ITGAV: variants seen among roughly 807,000 people sequenced by gnomAD.
The protein encoded by ITGAV is integrin alpha-V.
Under a neutral mutation model 143.8 loss-of-function variants are expected in ITGAV, and 76 were observed. The ratio of observed to expected loss-of-function variants is 0.53; its 90% confidence interval spans 0.44 to 0.64. The LOEUF (loss-of-function observed/expected upper bound fraction) is 0.64, where lower values mean the gene tolerates loss of function less well. Ranked by LOEUF, ITGAV falls within the 30% of genes least tolerant of loss-of-function variation. The pLI is 0.00. For synonymous variants in ITGAV, 453 were observed against 446.7 expected (o/e 1.01, Z -0.18); for missense variants, 1,193 against 1,274.7 (o/e 0.94, Z 0.98).
chr2:186,655,185 T>C (rs955435783), intron 16 of ITGAV, among the ~76,000 whole-genome samples: 2 of 152,184 alleles, frequency 1.3e-5, no homozygotes, highest in African/African-American at 4.8e-5. Context: ...CCTAAAATGG[T>C]TGATGTGGTC....
intron 18 of ITGAV, among the ~76,000 whole-genome samples, chr2:186,661,709 GC>G (rs1688751137): frequency 6.6e-6 from 1 of 151,064 alleles, no homozygotes; most frequent in African/African-American, 2.4e-5. Context: ...CGATTACCCT[GC>G]CTCAGCCTCC....
intron 12 of ITGAV, among the ~76,000 whole-genome samples, chr2:186,642,535 CT>C (rs35034170): frequency 0.54 from 61,421 of 112,874 alleles, 14,731 homozygotes; most frequent in East Asian, 0.74. Flanking sequence ...TCTTTTTTTT[CT>C]TTTTTTTTTT....
At chr2:186,611,029 A>G (rs1687200903) in intron 2 of ITGAV, among the ~76,000 whole-genome samples, 1 of 152,170 alleles carries the variant, frequency 6.6e-6, no homozygotes, top group Admixed American at 6.5e-5. Flanking sequence ...GGCCAAATCA[A>G]GGTGAGAAAC....
intron 4 of ITGAV, among the ~76,000 whole-genome samples, chr2:186,626,739 G>C (rs1414871882): frequency 6.6e-6 from 1 of 152,156 alleles, no homozygotes; most frequent in African/African-American, 2.4e-5. Context: ...ACTCAGATCT[G>C]TATTGTGTGT....
intron 2 of ITGAV, among the ~76,000 whole-genome samples, chr2:186,622,128 A>G (rs1687543630): frequency 6.6e-6 from 1 of 152,202 alleles, no homozygotes; most frequent in Admixed American, 6.5e-5. Flanking sequence ...GCTAATAATA[A>G]CACTGAGACA....
chr2:186,621,786 C>T (rs1425522170), intron 2 of ITGAV, among the ~76,000 whole-genome samples: 3 of 152,138 alleles, frequency 2.0e-5, no homozygotes, highest in Non-Finnish European at 4.4e-5. Flanking sequence ...AAATAATTTT[C>T]TCAATAGTGA....
At position 186,656,397 on chromosome 2, in the gene ITGAV, T is replaced by C; in HGVS notation, c.1715T>C (p.Leu572Pro). 1 of 1,483,722 alleles carries C rather than the reference T, an allele frequency of 6.7e-7. No homozygotes were observed. The highest frequency in any genetic ancestry group is 8.9e-7 in the Non-Finnish European group (1 of 1,122,206). 91.9% of individuals were successfully genotyped at this position (1,483,722 alleles called of 1,614,324 possible). ...LMQCEELIAY[L>P]RDESEFRDKL... Reference sequence around the variant, plus strand: ...CAGTGTGAGGAATTGATAGCGTATCTGCGGGTAAGAGCTAACTTTTCTGCT... The same window carrying C: ...CAGTGTGAGGAATTGATAGCGTATCCGCGGGTAAGAGCTAACTTTTCTGCT... The change falls in exon 17 of 30, where the codon CTG (leucine) becomes CCG (proline). Residue 572 changes from leucine to proline, a missense_variant. By Grantham distance (98) the Leu-to-Pro change is moderately conservative (BLOSUM62 -3). Coordinates refer to ENST00000261023, the MANE Select transcript of ITGAV (RefSeq NM_002210.5).
At chr2:186,657,665 A>G (rs1389888028) in intron 17 of ITGAV, among the ~76,000 whole-genome samples, 1 of 152,176 alleles carries the variant, frequency 6.6e-6, no homozygotes, top group African/African-American at 2.4e-5. Flanking sequence ...AAACACCACA[A>G]AATTAAGAAT....
chr2:186,643,923 A>G (rs1688178211), intron 12 of ITGAV, among the ~76,000 whole-genome samples: 3 of 152,152 alleles, frequency 2.0e-5, no homozygotes, highest in Admixed American at 2.0e-4. Flanking sequence ...CTTTTGTTGC[A>G]AAATTATGTT....
intron 12 of ITGAV, among the ~76,000 whole-genome samples, chr2:186,643,217 A>G (rs1016980534): frequency 2.6e-5 from 4 of 152,188 alleles, no homozygotes; most frequent in Admixed American, 1.3e-4. Flanking sequence ...CATCTCTTCC[A>G]GCTTTCTAAG....
chr2:186,603,214 T>G (rs767507795), intron 2 of ITGAV, among the ~76,000 whole-genome samples: 4 of 152,220 alleles, frequency 2.6e-5, no homozygotes, highest in South Asian at 4.1e-4. Flanking sequence ...ACAAAATTTT[T>G]TATTGATTCT....
intron 1 of ITGAV, chr2:186,600,209 G>A (rs1463529922): frequency 2.4e-6 from 2 of 843,152 alleles, no homozygotes; most frequent in Non-Finnish European, 3.7e-6. Context: ...ACCTTTCTTT[G>A]TAGCTCCTGG....
chr2:186,648,189 TC>T (rs780133127), intron 13 of ITGAV, among the ~76,000 whole-genome samples: 3 of 152,196 alleles, frequency 2.0e-5, no homozygotes, highest in Non-Finnish European at 4.4e-5. Flanking sequence ...TCTTTATAAT[TC>T]TTTTGCATAT....
chr2:186,601,684 C>T (rs973464957), intron 1 of ITGAV, among the ~76,000 whole-genome samples: 2 of 151,982 alleles, frequency 1.3e-5, no homozygotes, highest in Admixed American at 1.3e-4. Flanking sequence ...ACTTTCCTGC[C>T]TCTAGGCAGC....
Position 186,653,371 on chromosome 2 carries a change from A to G in ITGAV, c.1506-1279A>G, listed in dbSNP as rs575025694. Among the ~76,000 whole-genome samples, 109 of 152,288 alleles carry G rather than the reference A, an allele frequency of 7.2e-4. 1 individual carries two copies. The highest frequency in any genetic ancestry group is 2.6e-3 in the African/African-American group (106 of 41,562). On this transcript the variant is annotated intron_variant, in intron 15 of 29. Transcript: ENST00000261023. ...CCAAAATCACCATGAGTAGTCATTC[A>G]TGAGTTCCCACTTTGGGAAACACTA...
chr2:186,620,075 C>A (rs557397995), intron 2 of ITGAV, among the ~76,000 whole-genome samples: 1 of 152,310 alleles, frequency 6.6e-6, no homozygotes, highest in East Asian at 1.9e-4. Flanking sequence ...GAACAACTCA[C>A]AATTCTCTTA....
At position 186,641,497 on chromosome 2, in the gene ITGAV, C is replaced by T; in HGVS notation, c.1068C>T (p.Phe356=). 1 of 1,614,140 alleles carries T rather than the reference C, an allele frequency of 6.2e-7. No homozygotes were observed. The change falls in exon 12 of 30, where the codon TTC becomes TTT. Residue 356 remains phenylalanine, a synonymous_variant. Coordinates refer to ENST00000261023, the MANE Select transcript of ITGAV (RefSeq NM_002210.5). ...SVSLQRASGD[F]QTTKLNGFEV... ...CTCTACAGAGAGCTTCAGGAGACTT[C>T]CAGACGACAAAGCTGAATGGATTTG...
chr2:186,609,251 T>C (rs1338467378), intron 2 of ITGAV, among the ~76,000 whole-genome samples: 1 of 152,166 alleles, frequency 6.6e-6, no homozygotes, highest in African/African-American at 2.4e-5. Context: ...ATGAACTAAT[T>C]TTACTTTGTG....
chr2:186,678,927 T>C lies in ITGAV; in HGVS notation c.*1635T>C, dbSNP rs201226800. The C allele has an allele frequency of 2.8e-6, 1 of 356,806 alleles. No homozygotes were observed. The allele number at this position is 356,806 out of a possible 1,614,324, so 22.1% of individuals were successfully genotyped here. On this transcript the variant is annotated 3_prime_UTR_variant, in exon 30 of 30. Coordinates refer to ENST00000261023, the MANE Select transcript of ITGAV (RefSeq NM_002210.5). The stretch of plus-strand genomic sequence containing the variant: ...TGACTGAGCTAATCTTGAGAATATA[T>C]TCGTAAAATAGGAGCACATTTAGTT...
Sources: gnomAD v4.1 joint callset for allele counts (sites outside exome capture counted in the v4.1 genomes callset) on GRCh38, gnomAD v4.1.1 for gene constraint, MANE v1.5 for transcripts, NCBI Gene and HGNC (gene_info 2026-07-23, HGNC 2026-07-21) for gene names.